POTEF: variants seen among roughly 807,000 people sequenced by gnomAD.
POTEF encodes POTE ankyrin domain family member F.
Under a neutral mutation model 83.2 loss-of-function variants are expected in POTEF, and 20 were observed. The observed-to-expected ratio is 0.24, with a 90% CI of 0.17 to 0.35. The LOEUF (loss-of-function observed/expected upper bound fraction) is 0.35, where lower values mean the gene tolerates loss of function less well. POTEF is among the 10% of genes least tolerant of loss of function. POTEF has a pLI of 1.00. For missense variants in POTEF, 550 were observed against 1,203.2 expected, an observed-to-expected ratio of 0.46 and a Z score of 8.03; for synonymous variants, 196 against 446.4, an observed-to-expected ratio of 0.44 and a Z score of 7.07.
chr2:130,127,251 GGAA>G (rs2104714625), intron 2 of POTEF, among the ~76,000 whole-genome samples: 1 of 132,914 alleles, frequency 7.5e-6, no homozygotes, highest in South Asian at 2.5e-4. Flanking sequence ...TGTGAACCCA[GGAA>G]GCAGAGCTTG....
intron 7 of POTEF, among the ~76,000 whole-genome samples, chr2:130,109,043 T>C (rs1190093417): frequency 6.6e-6 from 1 of 151,312 alleles, no homozygotes; most frequent in African/African-American, 2.5e-5. Context: ...GCACGGAACA[T>C]GTTATTCAGC....
intron 8 of POTEF, among the ~76,000 whole-genome samples, chr2:130,104,961 A>G (rs574770841): frequency 3.6e-4 from 55 of 151,170 alleles, no homozygotes; most frequent in Non-Finnish European, 6.8e-4. Context: ...ACGTGCATAG[A>G]AAAACATTAG....
intron 2 of POTEF, among the ~76,000 whole-genome samples, chr2:130,125,944 C>T (rs1443834828): frequency 3.3e-5 from 5 of 151,194 alleles, no homozygotes; most frequent in Non-Finnish European, 5.9e-5. Flanking sequence ...TCCCGACTTC[C>T]TTTTTCTCTT....
Position 130,075,039 on chromosome 2 carries a change from G to T in POTEF, c.2433C>A (p.Asn811Lys). ...TCATCTTCTCGCGGTTGGCCTTAGG[G>T]TTCAGGGTGGCCTCGGTCAGCAGGA... ...HPVLLTEATL[N>K]PKANREKMTQ... Residue 811 changes from asparagine (N) to lysine (K), a missense_variant, in exon 17 of 17, where the codon AAC becomes AAA. Physicochemically the swap from Asn to Lys is moderately conservative, Grantham distance 94. Coordinates refer to ENST00000409914, the MANE Select transcript of POTEF (RefSeq NM_001099771.2). 2 of 1,613,766 alleles carry T rather than the reference G, an allele frequency of 1.2e-6. No individual in the cohort carries two copies. The highest frequency in any genetic ancestry group is 1.7e-6 in the Non-Finnish European group (2 of 1,179,944).
chr2:130,104,083 C>A (rs1250110876), intron 8 of POTEF, among the ~76,000 whole-genome samples: 1 of 149,808 alleles, frequency 6.7e-6, no homozygotes, highest in Non-Finnish European at 1.5e-5. Context: ...AACAATTATT[C>A]ATTAAGACAA....
chr2:130,078,087 G>T (rs1683866012), intron 15 of POTEF, among the ~76,000 whole-genome samples: 1 of 96,176 alleles, frequency 1.0e-5, no homozygotes, highest in South Asian at 3.2e-4. Flanking sequence ...GAATAAAACT[G>T]GGAAGTCCTA....
At chr2:130,106,250 T>A (rs568069509) in intron 8 of POTEF, among the ~76,000 whole-genome samples, 90 of 150,422 alleles carry the variant, frequency 6.0e-4, no homozygotes, top group African/African-American at 2.2e-3. Flanking sequence ...CATCTAGTAT[T>A]TGCAGTCCAA....
At position 130,112,074 on chromosome 2, in the gene POTEF, C is replaced by T. The variant is rs1178675796; in HGVS notation, c.838G>A (p.Val280Ile). ...KHGLTPLLLG[V>I]HEQKQQVVKF... is the part of the protein sequence containing the mutation. ...ACGACTTGCTGTTTTTGCTCATGTA[C>T]ACCAAGTAACAGTGGTGTGAGGCCA... Residue 280 changes from valine to isoleucine, a missense_variant, in exon 6 of 17, where the codon GTA becomes ATA. Physicochemically the swap from Val to Ile is conservative, Grantham distance 29. Coordinates refer to ENST00000409914, the MANE Select transcript of POTEF (RefSeq NM_001099771.2). 3 of 1,479,720 alleles carry T rather than the reference C, an allele frequency of 2.0e-6. No homozygotes were observed. The highest frequency in any genetic ancestry group is 2.7e-6 in the Non-Finnish European group (3 of 1,114,452). The allele number at this position is 1,479,720 out of a possible 1,614,324, so 91.7% of individuals were successfully genotyped here. A position where few individuals can be genotyped will look rare whatever the true frequency, so the allele number is the denominator to read the frequency against.
At chr2:130,114,145 A>T (rs1189544221) in intron 5 of POTEF, among the ~76,000 whole-genome samples, 1 of 150,542 alleles carries the variant, frequency 6.6e-6, no homozygotes, top group Non-Finnish European at 1.5e-5. Flanking sequence ...ATTCACTGCC[A>T]ATCTGGTTCC....
chr2:130,083,839 T>TA (rs1167101993), intron 15 of POTEF, among the ~76,000 whole-genome samples: 1 of 63,108 alleles, frequency 1.6e-5, no homozygotes, highest in Non-Finnish European at 2.9e-5. Context: ...TTTCAAATTT[T>TA]ATGTAACCAT....
At chr2:130,127,005 T>C (rs1685106956) in intron 2 of POTEF, among the ~76,000 whole-genome samples, 1 of 151,774 alleles carries the variant, frequency 6.6e-6, no homozygotes, top group South Asian at 2.1e-4. Context: ...TTTGAAAAAG[T>C]CCAAGACCAT....
intron 8 of POTEF, among the ~76,000 whole-genome samples, chr2:130,104,813 T>C (rs1339079188): frequency 2.6e-5 from 4 of 151,374 alleles, no homozygotes; most frequent in East Asian, 1.9e-4. Context: ...GTGATACACA[T>C]GGACATTTAT....
intron 2 of POTEF, 74 bp from the exon 3 acceptor site, chr2:130,120,682 A>AC (rs1414806852): frequency 9.7e-7 from 1 of 1,025,660 alleles, no homozygotes; most frequent in Non-Finnish European, 1.3e-6. Flanking sequence ...AGCCCACCCC[A>AC]CCCAGGGAAA....
rs769123910 is a variant in POTEF, at chr2:130,120,166, A to G, written c.350T>C (p.Val117Ala). 4.4e-6 allele frequency: 7 copies of G among 1,608,862 alleles called. No individual in the cohort carries two copies. The highest frequency in any genetic ancestry group is 4.1e-5 in the African/African-American group (3 of 73,010). ...GTCATCGTAGTCTCCCCAAGCGCCC[A>G]CCTTGCTCTTGCTGCTCCCCCTGCA... ...PCCRGSSKSK[V>A]GAWGDYDDSA... is the part of the protein sequence containing the mutation. Residue 117 changes from valine to alanine, a missense_variant, in exon 3 of 17, where the codon GTG (valine) becomes GCG (alanine). Coordinates refer to ENST00000409914, the MANE Select transcript of POTEF (RefSeq NM_001099771.2).
At chr2:130,111,182 T>G (rs1270693084) in intron 6 of POTEF, among the ~76,000 whole-genome samples, 2 of 150,796 alleles carry the variant, frequency 1.3e-5, no homozygotes, top group Admixed American at 6.6e-5. Flanking sequence ...TTCTTACTTA[T>G]GCACAGCCAA....
At chr2:130,121,115 T>C (rs6721325) in intron 2 of POTEF, among the ~76,000 whole-genome samples, 95,077 of 150,416 alleles carry the variant, frequency 0.63, 30,164 homozygotes, top group Admixed American at 0.72. Flanking sequence ...GCCGGGCGTG[T>C]GCGCGCGGCG....
At chr2:130,095,045 T>TTTTTA (rs1684211863) in intron 11 of POTEF, among the ~76,000 whole-genome samples, 1 of 79,332 alleles carries the variant, frequency 1.3e-5, no homozygotes, top group African/African-American at 4.3e-5. Context: ...TTTTTTTTTT[T>TTTTTA]GAGATGGAGT....
At chr2:130,123,074 CTGAT>C (rs1191702802) in intron 2 of POTEF, among the ~76,000 whole-genome samples, 24 of 135,354 alleles carry the variant, frequency 1.8e-4, no homozygotes, top group African/African-American at 5.4e-4. Context: ...TTGTAATACA[CTGAT>C]TGTTACTTTT....
intron 2 of POTEF, among the ~76,000 whole-genome samples, chr2:130,122,551 G>T (rs1165860052): frequency 6.9e-6 from 1 of 145,830 alleles, no homozygotes; most frequent in East Asian, 2.0e-4. Flanking sequence ...CAGATTTTAG[G>T]ACTAATTTTT....
Sources: allele counts gnomAD v4.1 joint callset (sites outside exome capture counted in the v4.1 genomes callset), GRCh38; gene constraint gnomAD v4.1.1; transcripts MANE v1.5; gene names NCBI Gene and HGNC (gene_info 2026-07-23, HGNC 2026-07-21).